Variants in NMBR observed in about 807,000 individuals in gnomAD.
The protein encoded by NMBR is neuromedin-B receptor.
A neutral mutation model predicts 20.5 loss-of-function variants in NMBR; 16 were observed. The observed-to-expected ratio is 0.78, with a 90% confidence interval of 0.53 to 1.19. The LOEUF (loss-of-function observed/expected upper bound fraction) is 1.19, where lower values mean the gene tolerates loss of function less well. Among genes scored for constraint, NMBR ranks in the 50% most tolerant of loss-of-function variants. The pLI is 0.00. For synonymous variants in NMBR, 212 were observed against 196.6 expected (o/e 1.08, Z -0.65); for missense variants, 582 against 499.1 (o/e 1.17, Z -1.58).
In NMBR at chr6:142,088,446, G is replaced by T. The variant is rs1286180784; in HGVS notation, c.213C>A (p.Asn71Lys). The stretch of plus-strand genomic sequence containing the variant: ...TGTTGGGGACGCTCCTCATGGCGCT[G>T]TTGGTGATGAAGATCTTCACCAGCA... ...NIMLVKIFIT[N>K]SAMRSVPNIF... Residue 71 changes from asparagine to lysine, a missense_variant, in exon 2 of 4, where the codon AAC (asparagine) becomes AAA (lysine). By Grantham distance (94) the Asn-to-Lys change is moderately conservative. Transcript: ENST00000258042. 1 of 1,614,100 alleles carries T rather than the reference G, an allele frequency of 6.2e-7. No homozygotes were observed. Among genetic ancestry groups the T allele is most frequent in the Admixed American group, 1.7e-5 (1 of 60,018 alleles).
At chr6:142,145,008 T>A (rs1284076020) in intron 1 of NMBR, among the ~76,000 whole-genome samples, 2 of 106,564 alleles carry the variant, frequency 1.9e-5, no homozygotes, top group Non-Finnish European at 3.5e-5. Context: ...GGTGACAGAG[T>A]GAGAACCTGT....
At chr6:142,111,656 A>G (rs1176422274) in intron 1 of NMBR, among the ~76,000 whole-genome samples, 2 of 152,214 alleles carry the variant, frequency 1.3e-5, no homozygotes, top group African/African-American at 4.8e-5. Flanking sequence ...TAGAACTGAG[A>G]TGAGATTGGT....
chr6:142,109,924 C>T (rs554783118), intron 1 of NMBR, among the ~76,000 whole-genome samples: 8 of 152,192 alleles, frequency 5.3e-5, no homozygotes, highest in South Asian at 2.1e-4. Flanking sequence ...CCAGACACCA[C>T]GAGTCTCCTT....
rs1437535917 is a variant in NMBR, at chr6:142,078,700, G to A, written c.626C>T (p.Pro209Leu). The change falls in exon 3 of 4, where the codon CCA (proline) becomes CTA (leucine). Residue 209 changes from proline to leucine, a missense_variant. By Grantham distance (98) the Pro-to-Leu change is moderately conservative (BLOSUM62 -3). Coordinates refer to ENST00000258042, the MANE Select transcript of NMBR (RefSeq NM_002511.4). The stretch of plus-strand genomic sequence containing the variant: ...GAAAATGAGCACTGAATGAATCTTT[G>A]GATGTAATTCATCTGTTTGAGGGTA... Reference protein sequence around the residue: ...IPYPQTDELHPKIHSVLIFLV... With the variant: ...IPYPQTDELHLKIHSVLIFLV... The A allele has an allele frequency of 6.2e-7, 1 of 1,613,872 alleles. No individual in the cohort carries two copies. The highest frequency in any genetic ancestry group is 1.3e-5 in the African/African-American group (1 of 74,994).
chr6:142,078,895 G>C lies in NMBR; in HGVS notation c.431C>G (p.Ala144Gly), dbSNP rs768787948. The C allele has an allele frequency of 6.3e-7, 1 of 1,595,958 alleles. No individual in the cohort carries two copies. Among genetic ancestry groups the C allele is most frequent in the East Asian group, 2.2e-5 (1 of 44,530 alleles). The change falls in exon 3 of 4, where the codon GCC becomes GGC. Residue 144 changes from alanine to glycine, a missense_variant. Coordinates refer to ENST00000258042, the MANE Select transcript of NMBR (RefSeq NM_002511.4). ...LTALSADRYR[A>G]IVNPMDMQTS... Reference sequence around the variant, plus strand: ...CTGCATGTCCATGGGGTTAACGATGGCTCTGTACCTGGGAAAATGATACAT... The same window carrying C: ...CTGCATGTCCATGGGGTTAACGATGCCTCTGTACCTGGGAAAATGATACAT...
At chr6:142,094,801 A>T (rs971076422) in intron 1 of NMBR, among the ~76,000 whole-genome samples, 2 of 152,096 alleles carry the variant, frequency 1.3e-5, no homozygotes, top group Non-Finnish European at 2.9e-5. Flanking sequence ...ATGTTCTTCC[A>T]TTTCTTTGTA....
chr6:142,141,161 A>G (rs1468605586), intron 1 of NMBR, among the ~76,000 whole-genome samples: 6 of 152,218 alleles, frequency 3.9e-5, no homozygotes, highest in Non-Finnish European at 5.9e-5. Context: ...ATTCACCAAA[A>G]GAGATCATTT....
intron 1 of NMBR, among the ~76,000 whole-genome samples, chr6:142,135,695 T>A (rs990813208): frequency 3.3e-5 from 5 of 150,014 alleles, no homozygotes; most frequent in African/African-American, 1.2e-4. Context: ...ACTTCTTGTG[T>A]CCATGTGTTC....
intron 2 of NMBR, among the ~76,000 whole-genome samples, chr6:142,084,455 A>G (rs1004752256): frequency 6.6e-6 from 1 of 152,208 alleles, no homozygotes; most frequent in African/African-American, 2.4e-5. Flanking sequence ...AGAAGAAAGT[A>G]TCACCCAATA....
chr6:142,120,670 A>G (rs760257584), intron 1 of NMBR, among the ~76,000 whole-genome samples: 4 of 151,988 alleles, frequency 2.6e-5, no homozygotes, highest in Non-Finnish European at 5.9e-5. Flanking sequence ...AGTACTCACA[A>G]GTATGTTACC....
chr6:142,079,139 A>AAGAAAGAAAGAG (rs1562390282), intron 2 of NMBR, among the ~76,000 whole-genome samples: 29 of 103,704 alleles, frequency 2.8e-4, no homozygotes, highest in African/African-American at 1.2e-3. Flanking sequence ...GAAAGAAAGA[A>AAGAAAGAAAGAG]AGAAAAAGAA....
chr6:142,082,274 C>T (rs1453698094), intron 2 of NMBR, among the ~76,000 whole-genome samples: 1 of 152,170 alleles, frequency 6.6e-6, no homozygotes, highest in Non-Finnish European at 1.5e-5. Flanking sequence ...ATCTCTAATA[C>T]ACAACACAAT....
intron 2 of NMBR, among the ~76,000 whole-genome samples, chr6:142,085,814 T>C (rs1236729522): frequency 6.6e-6 from 1 of 152,120 alleles, no homozygotes; most frequent in Non-Finnish European, 1.5e-5. Context: ...CAAAGACACT[T>C]AGGCCATCTG....
chr6:142,091,095 A>G (rs1777313248), intron 1 of NMBR, among the ~76,000 whole-genome samples: 1 of 152,202 alleles, frequency 6.6e-6, no homozygotes, highest in Non-Finnish European at 1.5e-5. Context: ...GTATTTTATT[A>G]AAATGTTATA....
At chr6:142,133,868 A>G in intron 1 of NMBR, 1 of 693,916 alleles carries the variant, frequency 1.4e-6, no homozygotes, top group Non-Finnish European at 2.6e-6. Context: ...TCCAACTGTG[A>G]TTGGTCAATT....
chr6:142,096,491 T>C (rs1777455070), intron 1 of NMBR, among the ~76,000 whole-genome samples: 1 of 152,152 alleles, frequency 6.6e-6, no homozygotes, highest in Non-Finnish European at 1.5e-5. Context: ...TTTGAGTGAG[T>C]TTCTTAATCC....
intron 1 of NMBR, among the ~76,000 whole-genome samples, chr6:142,095,934 T>C (rs943937652): frequency 1.3e-5 from 2 of 152,212 alleles, no homozygotes; most frequent in African/African-American, 4.8e-5. Flanking sequence ...TCTAGTTTAT[T>C]TGCATAGAGG....
At chr6:142,130,144 T>A (rs1157033095) in intron 1 of NMBR, among the ~76,000 whole-genome samples, 1 of 152,114 alleles carries the variant, frequency 6.6e-6, no homozygotes, top group Non-Finnish European at 1.5e-5. Flanking sequence ...ACCCCAATAA[T>A]TTTCTGAGCT....
chr6:142,126,658 T>C lies in NMBR; in HGVS notation c.-664+20386A>G, dbSNP rs1582859477. 2.0e-5 allele frequency among the ~76,000 whole-genome samples: 3 copies of C among 151,984 alleles called. No homozygotes were observed. In the East Asian group the frequency reaches 5.8e-4, roughly 29 times the overall value. On this transcript the variant is annotated intron_variant, in intron 1 of 3. Transcript: ENST00000258042. ...TTTGTATTTCCCTGATAATAAGCGATGTTGAGCACTTTTTAAGACTTATTG... is the reference window on the plus strand; with the variant it reads ...TTTGTATTTCCCTGATAATAAGCGACGTTGAGCACTTTTTAAGACTTATTG...
Sources: gnomAD v4.1 joint callset for allele counts (sites outside exome capture counted in the v4.1 genomes callset) on GRCh38, gnomAD v4.1.1 for gene constraint, MANE v1.5 for transcripts, NCBI Gene and HGNC (gene_info 2026-07-23, HGNC 2026-07-21) for gene names.